OR9Q1: variants seen among roughly 807,000 people sequenced by gnomAD.
The protein encoded by OR9Q1 is olfactory receptor family 9 subfamily Q member 1, also known as olfactory receptor 9Q1.
For missense variants in OR9Q1, 374 were observed against 378.8 expected, an observed-to-expected ratio of 0.99 and a Z score of 0.11; for synonymous variants, 153 against 148.6, an observed-to-expected ratio of 1.03 and a Z score of -0.22.
intron 2 of OR9Q1, among the ~76,000 whole-genome samples, chr11:58,097,987 A>G (rs1201957596): frequency 6.6e-6 from 1 of 152,190 alleles, no homozygotes; most frequent in Non-Finnish European, 1.5e-5. Flanking sequence ...GCATGAAGAA[A>G]CTTTTTGGAG....
intron 1 of OR9Q1, chr11:58,031,827 T>C: frequency 1.2e-6 from 2 of 1,614,136 alleles, no homozygotes; most frequent in African/African-American, 2.7e-5. Context: ...CTCAATCCTC[T>C]CATCTACAGT....
At chr11:58,033,219 A>G (rs1453310379) in intron 1 of OR9Q1, among the ~76,000 whole-genome samples, 1 of 152,242 alleles carries the variant, frequency 6.6e-6, no homozygotes, top group Non-Finnish European at 1.5e-5. Context: ...AATGAAAAAT[A>G]GAACTGCTAT....
chr11:58,119,049 A>G (rs1853994499), intron 2 of OR9Q1: 1 of 1,614,030 alleles, frequency 6.2e-7, no homozygotes, highest in Non-Finnish European at 8.5e-7. Flanking sequence ...TGGCCACGGT[A>G]TAGAGCAGTG....
chr11:58,063,709 G>C lies in OR9Q1; in HGVS notation c.-15+7762G>C, dbSNP rs192984758. Among the ~76,000 whole-genome samples, 1,222 of 152,158 alleles carry C rather than the reference G, an allele frequency of 8.0e-3. 19 individuals are homozygous for C. The highest frequency in any genetic ancestry group is 0.027 in the African/African-American group (1,140 of 41,494). On this transcript the variant is annotated intron_variant, in intron 2 of 2. Transcript: ENST00000335397. ...TACAAGGGAAGATATTTAATTTTTG[G>C]GGGGGTGAGTTTTAAAGGTCACAAT...
chr11:58,083,274 C>T (rs981009696), intron 2 of OR9Q1, among the ~76,000 whole-genome samples: 3 of 151,824 alleles, frequency 2.0e-5, no homozygotes, highest in African/African-American at 7.3e-5. Context: ...GGAATCCTTT[C>T]CCCATTGCTT....
At chr11:58,035,758 T>C (rs1478518809) in intron 1 of OR9Q1, among the ~76,000 whole-genome samples, 1 of 152,208 alleles carries the variant, frequency 6.6e-6, no homozygotes, top group Non-Finnish European at 1.5e-5. Context: ...TGAAAATCAT[T>C]TCATTTATTG....
At chr11:58,145,636 G>T (rs7948507) in intron 2 of OR9Q1, among the ~76,000 whole-genome samples, 38,207 of 152,092 alleles carry the variant, frequency 0.25, 4,990 homozygotes, top group Middle Eastern at 0.37. Context: ...TTTCTGCTTT[G>T]CTATGGGTAA....
intron 2 of OR9Q1, among the ~76,000 whole-genome samples, chr11:58,093,557 G>C (rs1365006503): frequency 1.3e-5 from 2 of 151,986 alleles, no homozygotes; most frequent in Non-Finnish European, 2.9e-5. Flanking sequence ...TCAGGAGATT[G>C]AGACCGTACT....
At chr11:58,119,242 A>G in intron 2 of OR9Q1, 1 of 1,613,980 alleles carries the variant, frequency 6.2e-7, no homozygotes, top group Non-Finnish European at 8.5e-7. Context: ...GGCATCCAGC[A>G]GGGAGAGGTG....
At chr11:58,069,810 C>T (rs34216610) in intron 2 of OR9Q1, among the ~76,000 whole-genome samples, 19,310 of 151,538 alleles carry the variant, frequency 0.13, 1,472 homozygotes, top group South Asian at 0.19. Flanking sequence ...GTTGAGGCTG[C>T]AGTGAGTCAA....
At chr11:58,129,659 G>A (rs56016266) in intron 2 of OR9Q1, among the ~76,000 whole-genome samples, 31,898 of 151,848 alleles carry the variant, frequency 0.21, 3,906 homozygotes, top group Middle Eastern at 0.38. Flanking sequence ...GAGAAGGTGC[G>A]CTTGTGTCTT....
intron 2 of OR9Q1, among the ~76,000 whole-genome samples, chr11:58,066,067 T>A (rs1034255432): frequency 4.6e-5 from 7 of 152,156 alleles, no homozygotes; most frequent in Admixed American, 4.6e-4. Context: ...AGTCCCCAGC[T>A]GCCTACAGTG....
rs61904050 is a variant in OR9Q1, at chr11:58,094,745, A to G, written c.-15+38798A>G. On this transcript the variant is annotated intron_variant, in intron 2 of 2. Coordinates refer to ENST00000335397, the MANE Select transcript of OR9Q1 (RefSeq NM_001005212.4). ...TATTCTTTTTGAACACAAAAAATTG[A>G]AATTAAAAAATGAACAAAATTGCCT... 2.8e-3 allele frequency among the ~76,000 whole-genome samples: 427 copies of G among 152,348 alleles called. 2 individuals carry two copies. Among genetic ancestry groups the G allele is most frequent in the Non-Finnish European group, 3.9e-3 (267 of 68,030 alleles).
chr11:58,109,672 T>C, intron 2 of OR9Q1: 1 of 437,780 alleles, frequency 2.3e-6, no homozygotes, highest in Non-Finnish European at 4.6e-6. Flanking sequence ...AGGCTCAATA[T>C]AGCTGGTTCA....
At chr11:58,066,294 C>A (rs1293028595) in intron 2 of OR9Q1, among the ~76,000 whole-genome samples, 1 of 152,120 alleles carries the variant, frequency 6.6e-6, no homozygotes, top group Admixed American at 6.6e-5. Context: ...TGGACGTTGG[C>A]AGGTAGCTGG....
intron 2 of OR9Q1, among the ~76,000 whole-genome samples, chr11:58,062,690 C>A (rs936421209): frequency 6.6e-6 from 1 of 152,182 alleles, no homozygotes; most frequent in Non-Finnish European, 1.5e-5. Context: ...GTACTAATTT[C>A]ATGCACTTCA....
At chr11:58,094,510 A>G (rs1276014540) in intron 2 of OR9Q1, among the ~76,000 whole-genome samples, 1 of 152,174 alleles carries the variant, frequency 6.6e-6, no homozygotes, top group Admixed American at 6.5e-5. Context: ...CTGAATTTAA[A>G]TACTCACAAT....
At chr11:58,159,588 C>T (rs1023438732) in intron 2 of OR9Q1, among the ~76,000 whole-genome samples, 2 of 152,078 alleles carry the variant, frequency 1.3e-5, no homozygotes, top group Non-Finnish European at 2.9e-5. Context: ...GAATTTTATT[C>T]AAAAGGACAT....
At position 58,110,363 on chromosome 11, in the gene OR9Q1, C is replaced by T. The variant is rs187050194; in HGVS notation, c.-15+54416C>T. Among the ~76,000 whole-genome samples, 61 of 152,268 alleles carry T rather than the reference C, an allele frequency of 4.0e-4. 1 individual carries two copies. Among genetic ancestry groups the T allele is most frequent in the Admixed American group, 1.7e-3 (26 of 15,280 alleles). On this transcript the variant is annotated intron_variant, in intron 2 of 2. Coordinates refer to ENST00000335397, the MANE Select transcript of OR9Q1 (RefSeq NM_001005212.4). Reference sequence around the variant, plus strand: ...CCCAACAATTCCTTGTGAGCACTTTCGTAATCTATTTTTGCTCTCCTATGA... The same window carrying T: ...CCCAACAATTCCTTGTGAGCACTTTTGTAATCTATTTTTGCTCTCCTATGA...
Sources: gnomAD v4.1 joint callset for allele counts (sites outside exome capture counted in the v4.1 genomes callset) on GRCh38, gnomAD v4.1.1 for gene constraint, MANE v1.5 for transcripts, NCBI Gene and HGNC (gene_info 2026-07-23, HGNC 2026-07-21) for gene names.